The following GYG2 variants were observed in gnomAD, a reference collection of about 807,000 sequenced individuals.
GYG2 encodes the protein glycogenin-2.
Under a neutral mutation model 29.4 loss-of-function variants are expected in GYG2, and 29 were observed. The ratio of observed to expected loss-of-function variants is 0.99; its 90% CI spans 0.74 to 1.35. GYG2 has a LOEUF of 1.35. GYG2 is among the 40% of genes most tolerant of loss of function. The pLI, the probability that GYG2 is intolerant of heterozygous loss-of-function variation, is 0.00. For missense variants in GYG2, 370 were observed against 385.7 expected (o/e 0.96, Z 0.34); for synonymous variants, 167 against 172.3 (o/e 0.97, Z 0.24).
intron 5 of GYG2, among the ~76,000 whole-genome samples, chrX:2,855,644 T>C (rs1293523185): frequency 8.9e-6 from 1 of 112,188 alleles, no homozygotes; most frequent in Non-Finnish European, 1.9e-5. Context: ...TCCCAGCACT[T>C]TGGGAGGCCA....
intron 10 of GYG2, chrX:2,877,779 G>A (rs1186813805): frequency 6.7e-6 from 5 of 749,044 alleles, no homozygotes; most frequent in African/African-American, 2.3e-5. Flanking sequence ...CTTCAACTAC[G>A]TTCTCTCCAT....
In GYG2 at chrX:2,854,234, G is replaced by T. The variant is rs4892898; in HGVS notation, c.324+80G>T. ...TTAAGCAGGCTGTCAACTTTTTTTT[G>T]TGTGTGTGTGACACAGTCGCTCTGT... On this transcript the variant is annotated intron_variant, in intron 4 of 10. Transcript: ENST00000398806. 158,300 of 669,238 alleles carry T rather than the reference G, an allele frequency of 0.24. 13,551 individuals are homozygous for T. Among genetic ancestry groups the T allele is most frequent in the Admixed American group, 0.37 (11,215 of 30,239 alleles). 55.2% of individuals were successfully genotyped at this position (669,238 alleles called of 1,213,427 possible).
At chrX:2,848,727 G>A (rs1223251267) in intron 3 of GYG2, among the ~76,000 whole-genome samples, 1 of 111,290 alleles carries the variant, frequency 9.0e-6, no homozygotes, top group Non-Finnish European at 1.9e-5. Context: ...AATGCTTGAG[G>A]GGATGGATAC....
intron 8 of GYG2, among the ~76,000 whole-genome samples, chrX:2,871,689 CAAATAAATAAATAAATAAATAAATAAAT>C (rs200105400): frequency 3.4e-3 from 341 of 99,994 alleles, no homozygotes; most frequent in African/African-American, 6.1e-3. Flanking sequence ...GACTCCGTCT[CAAATAAATAAATAAATAAATAAATAAAT>C]AAATAAATAA....
intron 2 of GYG2, among the ~76,000 whole-genome samples, chrX:2,830,818 G>C (rs1428793990): frequency 1.8e-5 from 2 of 112,414 alleles, no homozygotes; most frequent in Non-Finnish European, 3.8e-5. Flanking sequence ...AGCTACTAGG[G>C]AAGCTGAGGT....
chrX:2,872,101 G>C (rs746654454), intron 8 of GYG2, among the ~76,000 whole-genome samples: 3 of 111,433 alleles, frequency 2.7e-5, no homozygotes, highest in Non-Finnish European at 5.6e-5. Flanking sequence ...GCATATCTCA[G>C]CCTCTTTCCA....
chrX:2,837,278 A>G (rs918675420), intron 2 of GYG2, among the ~76,000 whole-genome samples: 2 of 112,063 alleles, frequency 1.8e-5, no homozygotes, highest in Non-Finnish European at 3.8e-5. Flanking sequence ...GCAGGTCAGT[A>G]AGTGGGGTTG....
rs776259532 is a variant in GYG2 at position 2,877,218 on chromosome X, G to T, written c.1162G>T (p.Glu388Ter). ...ETILQPANKVESVSSEETFEP... is the reference protein window; with the variant it reads ...ETILQPANKV The stretch of plus-strand genomic sequence containing the variant: ...GTTTTAGCAGCCAGCAAATAAAGTC[G>T]AAAGTGTCTCATCCGAGGAAACCTT... Residue 388 changes from glutamate to a stop codon, truncating the protein, a stop_gained, in exon 10 of 11, where the codon GAA becomes TAA. Transcript: ENST00000398806. LOFTEE classifies it high-confidence loss of function. The T allele has an allele frequency of 8.3e-7, 1 of 1,208,066 alleles. No individual in the cohort carries two copies.
intron 8 of GYG2, among the ~76,000 whole-genome samples, chrX:2,871,237 T>C (rs1353347382): frequency 9.1e-6 from 1 of 110,147 alleles, no homozygotes; most frequent in Non-Finnish European, 1.9e-5. Context: ...CTCCTAGCAC[T>C]GCTGGCAACT....
chrX:2,857,156 A>G (rs1314891131), intron 6 of GYG2, among the ~76,000 whole-genome samples: 2 of 87,324 alleles, frequency 2.3e-5, no homozygotes, highest in East Asian at 4.1e-4. Flanking sequence ...TTATCTATCT[A>G]TCTAGACCTA....
chrX:2,843,306 C>T lies in GYG2; in HGVS notation c.101C>T (p.Thr34Met), dbSNP rs764341675. The change falls in exon 3 of 11, where the codon ACG becomes ATG. Residue 34 changes from threonine (T) to methionine (M), a missense_variant. Thr to Met is a moderately conservative substitution (Grantham distance 81). Transcript: ENST00000398806. ...LGQSLRRHRL[T>M]RKLVVLITPQ... ...CAGTCACTGAGGAGACACAGGCTGA[C>T]GAGGAAGCTGGTGGTGTTGATCACT... 7.5e-6 allele frequency: 9 copies of T among 1,197,630 alleles called. No individual in the cohort carries two copies. The highest frequency in any genetic ancestry group is 1.0e-5 in the Non-Finnish European group (9 of 884,135).
intron 8 of GYG2, among the ~76,000 whole-genome samples, chrX:2,863,934 C>T (rs1325672591): frequency 2.7e-5 from 3 of 111,552 alleles, no homozygotes; most frequent in Admixed American, 9.5e-5. Context: ...AAGGAAAAAT[C>T]GCATTTACAT....
At chrX:2,864,823 G>A (rs1404162954) in intron 8 of GYG2, among the ~76,000 whole-genome samples, 2 of 108,216 alleles carry the variant, frequency 1.8e-5, no homozygotes, top group Non-Finnish European at 3.8e-5. Flanking sequence ...GCAATGGCGC[G>A]ATCTCAGCAG....
At chrX:2,838,571 A>G (rs1168532452) in intron 2 of GYG2, among the ~76,000 whole-genome samples, 1 of 106,022 alleles carries the variant, frequency 9.4e-6, no homozygotes, top group Non-Finnish European at 1.9e-5. Context: ...TTCCTGTTTA[A>G]TTTCTTTGAA....
chrX:2,841,517 T>C lies in GYG2; in HGVS notation c.8-1696T>C, dbSNP rs185669285. 9.9e-5 allele frequency among the ~76,000 whole-genome samples: 11 copies of C among 111,625 alleles called. 1 individual carries two copies. Among genetic ancestry groups the C allele is most frequent in the Admixed American group, 5.7e-4 (6 of 10,477 alleles). ...TGTTCTACAGAATTAAGTTGTAAAG[T>C]TTGCTGTCTGTAATTCTCACTCCCA... On this transcript the variant is annotated intron_variant, in intron 2 of 10. Transcript: ENST00000398806.
At chrX:2,865,575 G>A (rs1403480002) in intron 8 of GYG2, among the ~76,000 whole-genome samples, 1 of 111,357 alleles carries the variant, frequency 9.0e-6, no homozygotes, top group East Asian at 2.8e-4. Context: ...AGACTTTCCC[G>A]TGGAGGGATT....
At chrX:2,863,612 G>C (rs757397973) in intron 8 of GYG2, among the ~76,000 whole-genome samples, 1 of 112,158 alleles carries the variant, frequency 8.9e-6, no homozygotes, top group South Asian at 3.8e-4. Flanking sequence ...CGTAAATTAT[G>C]CTCTGGCAAC....
At chrX:2,872,642 G>A (rs1327999380) in intron 8 of GYG2, among the ~76,000 whole-genome samples, 1 of 112,197 alleles carries the variant, frequency 8.9e-6, no homozygotes, top group Admixed American at 9.4e-5. Flanking sequence ...CTTCATGATC[G>A]GCCCCGTGGA....
intron 2 of GYG2, among the ~76,000 whole-genome samples, chrX:2,837,928 G>A (rs1603458623): frequency 9.1e-6 from 1 of 109,692 alleles, no homozygotes; most frequent in Non-Finnish European, 1.9e-5. Flanking sequence ...ACCCAAGCTG[G>A]AGTGCAGTGG....
Sources: allele counts gnomAD v4.1 joint callset (sites outside exome capture counted in the v4.1 genomes callset), GRCh38; gene constraint gnomAD v4.1.1; transcripts MANE v1.5; gene names NCBI Gene and HGNC (gene_info 2026-07-23, HGNC 2026-07-21).